The following ABCA8 variants were observed in gnomAD, a reference collection of about 807,000 sequenced individuals.
The protein encoded by ABCA8 is ABC-type organic anion transporter ABCA8.
ABCA8 carries 177 observed loss-of-function variants against 192.3 expected under a neutral mutation model. The ratio of observed to expected loss-of-function variants is 0.92; its 90% CI spans 0.81 to 1.04. The LOEUF (loss-of-function observed/expected upper bound fraction) is 1.04, where lower values mean the gene tolerates loss of function less well. ABCA8 is among the 50% of genes least tolerant of loss of function. ABCA8 has a pLI of 0.00. For synonymous variants in ABCA8, 642 were observed against 690.2 expected (o/e 0.93, Z 1.09); for missense variants, 1,915 against 1,904.8 (o/e 1.01, Z -0.10).
At chr17:68,914,787 A>C (rs2067313617) in intron 17 of ABCA8, among the ~76,000 whole-genome samples, 2 of 151,768 alleles carry the variant, frequency 1.3e-5, no homozygotes, top group Non-Finnish European at 2.9e-5. Flanking sequence ...AATAAAAAAC[A>C]AACAAACTAA....
intron 16 of ABCA8, among the ~76,000 whole-genome samples, chr17:68,917,669 TA>T (rs2067410333): frequency 2.6e-5 from 4 of 152,366 alleles, no homozygotes; most frequent in Middle Eastern, 6.8e-3. Flanking sequence ...ATTTTGTGGA[TA>T]TATGTTCTAA....
At chr17:68,904,370 G>A (rs1224415447) in intron 19 of ABCA8, among the ~76,000 whole-genome samples, 1 of 151,264 alleles carries the variant, frequency 6.6e-6, no homozygotes, top group East Asian at 1.9e-4. Context: ...CTCGTTAGTT[G>A]CAAGAGACTG....
At chr17:68,877,230 G>C in intron 33 of ABCA8, 1 of 270,950 alleles carries the variant, frequency 3.7e-6, no homozygotes, top group East Asian at 6.8e-5. Flanking sequence ...AGTTGCCTAG[G>C]CTGGTCTGAA....
At chr17:68,951,959 G>A (rs1408123957) in intron 1 of ABCA8, among the ~76,000 whole-genome samples, 1 of 151,974 alleles carries the variant, frequency 6.6e-6, no homozygotes, top group Non-Finnish European at 1.5e-5. Flanking sequence ...CTTTTCTTTT[G>A]CTTCTAGTTT....
At chr17:68,916,023 C>T (rs2067350890) in intron 17 of ABCA8, among the ~76,000 whole-genome samples, 1 of 151,906 alleles carries the variant, frequency 6.6e-6, no homozygotes, top group Admixed American at 6.6e-5. Context: ...AAGCTAGGCA[C>T]AGAAAGACAA....
In ABCA8 at chr17:68,887,490, T is replaced by C; in HGVS notation, c.3161A>G (p.Gln1054Arg). ...AGGGGAGAGTCCGGAAATCCGTAGCTGGGACCGAGCTCTGTTCTAATTAGG... is the reference window on the plus strand; with the variant it reads ...AGGGGAGAGTCCGGAAATCCGTAGCCGGGACCGAGCTCTGTTCTAATTAGG... ...IDDYKNRARS[Q>R]LRISGLSPSA... Residue 1054 changes from glutamine to arginine, a missense_variant, in exon 25 of 40, where the codon CAG becomes CGG. Coordinates refer to ENST00000586539, the MANE Select transcript of ABCA8 (RefSeq NM_001288985.2). The C allele has an allele frequency of 6.2e-7, 1 of 1,611,566 alleles. No homozygotes were observed. Among genetic ancestry groups the C allele is most frequent in the Non-Finnish European group, 8.5e-7 (1 of 1,179,280 alleles).
intron 8 of ABCA8, 79 bp from the exon 9 acceptor site, chr17:68,929,313 T>G (rs1251517680): frequency 1.4e-5 from 17 of 1,226,614 alleles, no homozygotes; most frequent in South Asian, 2.0e-5. Flanking sequence ...TACAAAATTA[T>G]AGTTATTTTG....
intron 13 of ABCA8, 102 bp downstream of exon 13, chr17:68,921,277 CCAA>C: frequency 1.6e-6 from 1 of 619,752 alleles, no homozygotes; most frequent in South Asian, 2.4e-5. Flanking sequence ...GTGCAGCACA[CCAA>C]CATGGCACAT....
intron 7 of ABCA8, among the ~76,000 whole-genome samples, chr17:68,931,181 G>T (rs769912938): frequency 6.6e-6 from 1 of 151,950 alleles, no homozygotes; most frequent in African/African-American, 2.4e-5. Context: ...TCTTGTTTAC[G>T]CCTCTCTTGC....
intron 11 of ABCA8, among the ~76,000 whole-genome samples, chr17:68,923,508 C>T (rs998934239): frequency 5.3e-5 from 8 of 152,054 alleles, no homozygotes; most frequent in Admixed American, 4.6e-4. Flanking sequence ...CCAAAACTGT[C>T]TCGTTAAATA....
chr17:68,925,839 T>C (rs1449298896), intron 10 of ABCA8, among the ~76,000 whole-genome samples: 2 of 152,220 alleles, frequency 1.3e-5, no homozygotes, highest in East Asian at 1.9e-4. Context: ...TTTTCTGTCA[T>C]TCTTATTTAT....
intron 27 of ABCA8, chr17:68,884,693 C>T (rs886702684): frequency 9.1e-7 from 1 of 1,104,214 alleles, no homozygotes. Flanking sequence ...CAGAACTTCA[C>T]ATACCTTCCT....
At chr17:68,902,305 G>A (rs2066936402) in intron 21 of ABCA8, among the ~76,000 whole-genome samples, 3 of 152,182 alleles carry the variant, frequency 2.0e-5, no homozygotes, top group South Asian at 4.1e-4. Flanking sequence ...CGACATGGGA[G>A]TAATTGCTAT....
intron 19 of ABCA8, among the ~76,000 whole-genome samples, chr17:68,904,289 AGAAATAAT>A (rs1352832992): frequency 2.2e-5 from 2 of 92,634 alleles, no homozygotes; most frequent in Non-Finnish European, 4.2e-5. Flanking sequence ...CTCAAAAAAA[AGAAATAAT>A]AATAATAATA....
At chr17:68,946,154 G>A (rs1567888480) in intron 2 of ABCA8, among the ~76,000 whole-genome samples, 1 of 151,782 alleles carries the variant, frequency 6.6e-6, no homozygotes, top group South Asian at 2.1e-4. Context: ...TGCAATCTCC[G>A]CCTCCCAGGT....
chr17:68,887,124 A>C lies in ABCA8; in HGVS notation c.3322T>G (p.Cys1108Gly). ...LTIIHIIQIP[C>G]AVGYSFSLIF... ...AGGGAAAAGGAATAACCAACAGCACATGGGATCTAAAATCAACAGGAATGT... is the reference window on the plus strand; with the variant it reads ...AGGGAAAAGGAATAACCAACAGCACCTGGGATCTAAAATCAACAGGAATGT... Residue 1108 changes from cysteine to glycine, a missense_variant, in exon 26 of 40, where the codon TGT becomes GGT. By Grantham distance (159) the Cys-to-Gly change is radical (BLOSUM62 -3). Transcript: ENST00000586539. The C allele has an allele frequency of 1.9e-6, 3 of 1,595,832 alleles. No homozygotes were observed. The highest frequency in any genetic ancestry group is 2.6e-6 in the Non-Finnish European group (3 of 1,169,666).
At chr17:68,891,918 T>G (rs2143389892) in intron 23 of ABCA8, among the ~76,000 whole-genome samples, 1 of 152,358 alleles carries the variant, frequency 6.6e-6, no homozygotes, top group East Asian at 1.9e-4. Flanking sequence ...GTTGATACAT[T>G]CAATTTCTTA....
At chr17:68,950,731 C>T (rs1452494092) in intron 1 of ABCA8, among the ~76,000 whole-genome samples, 1 of 152,106 alleles carries the variant, frequency 6.6e-6, no homozygotes, top group Non-Finnish European at 1.5e-5. Flanking sequence ...TTTCCTTTGG[C>T]TTCTTGGCTG....
At chr17:68,891,412 T>G (rs2066618087) in intron 24 of ABCA8, 77 bp downstream of exon 24, 1 of 1,006,048 alleles carries the variant, frequency 9.9e-7, no homozygotes, top group African/African-American at 1.6e-5. Flanking sequence ...TGTAGAAATA[T>G]TCTTATGAAA....
Sources: gnomAD v4.1 joint callset for allele counts (sites outside exome capture counted in the v4.1 genomes callset) on GRCh38, gnomAD v4.1.1 for gene constraint, MANE v1.5 for transcripts, NCBI Gene and HGNC (gene_info 2026-07-23, HGNC 2026-07-21) for gene names.